The following GABPB2 variants were observed in gnomAD, a reference collection of about 807,000 sequenced individuals.
GABPB2 encodes GA-binding protein subunit beta-2.
GABPB2 carries 23 observed loss-of-function variants against 39.1 expected under a neutral mutation model. That is an observed-to-expected ratio of 0.59 (90% confidence interval 0.42 to 0.83). The LOEUF is 0.83. Among genes scored for constraint, GABPB2 ranks in the 40% least tolerant of loss-of-function variants. The pLI is 0.00. For synonymous variants in GABPB2, 184 were observed against 199.3 expected, an observed-to-expected ratio of 0.92 and a Z score of 0.65; for missense variants, 467 against 541.1, an observed-to-expected ratio of 0.86 and a Z score of 1.36.
chr1:151,112,269 T>TG (rs1445127385), intron 7 of GABPB2: 1 of 147,108 alleles, frequency 6.8e-6, no homozygotes, highest in African/African-American at 2.5e-5. Context: ...CATGTACTGA[T>TG]GGAAAGGCTG....
At chr1:151,081,384 G>T (rs183657900) in intron 1 of GABPB2, among the ~76,000 whole-genome samples, 1 of 152,050 alleles carries the variant, frequency 6.6e-6, no homozygotes, top group Non-Finnish European at 1.5e-5. Context: ...AGCTACTTGG[G>T]AGGCTGAGGC....
At position 151,107,279 on chromosome 1, in the gene GABPB2, T is replaced by C. The variant is rs1243012976; in HGVS notation, c.922+57T>C. 5 of 1,191,304 alleles carry C rather than the reference T, an allele frequency of 4.2e-6. No individual in the cohort carries two copies. In the East Asian group the frequency reaches 1.4e-4, roughly 34 times the overall value. The allele number at this position is 1,191,304 out of a possible 1,614,324, so 73.8% of individuals were successfully genotyped here. On this transcript the variant is annotated intron_variant, in intron 7 of 8. Transcript: ENST00000368918. ...AAAAGATATTTTAGATACTCCATAC[T>C]CACCTAAAAATGAGGCATTAAGACA...
intron 2 of GABPB2, 119 bp downstream of exon 2, chr1:151,088,416 A>G (rs1678385895): frequency 7.8e-7 from 1 of 1,274,930 alleles, no homozygotes; most frequent in African/African-American, 1.5e-5. Flanking sequence ...TATCCCTTAC[A>G]AGAGTTTTAT....
chr1:151,106,447 C>T (rs587666185), intron 6 of GABPB2, among the ~76,000 whole-genome samples: 6 of 152,306 alleles, frequency 3.9e-5, no homozygotes, highest in East Asian at 1.9e-4. Context: ...AAGCGATTCT[C>T]GTGCCTCAGC....
chr1:151,085,075 TGA>T (rs1381368223), intron 1 of GABPB2, among the ~76,000 whole-genome samples: 1 of 151,720 alleles, frequency 6.6e-6, no homozygotes, highest in Non-Finnish European at 1.5e-5. Context: ...TCAGCCTGGG[TGA>T]CAGAGCAAGA....
At chr1:151,094,320 G>T (rs1678940599) in intron 4 of GABPB2, among the ~76,000 whole-genome samples, 3 of 151,484 alleles carry the variant, frequency 2.0e-5, no homozygotes, top group South Asian at 4.2e-4. Context: ...TCAAAGTGCT[G>T]GGATTACAAG....
intron 6 of GABPB2, among the ~76,000 whole-genome samples, chr1:151,105,615 G>T (rs986447204): frequency 1.6e-4 from 24 of 151,294 alleles, no homozygotes; most frequent in African/African-American, 5.8e-4. Context: ...CTGGGCTCAA[G>T]TGATCCTCCC....
intron 6 of GABPB2, among the ~76,000 whole-genome samples, chr1:151,106,406 C>G (rs1351804141): frequency 2.0e-5 from 3 of 151,988 alleles, no homozygotes; most frequent in African/African-American, 7.3e-5. Context: ...GGCTCCATCT[C>G]GACTCACTGC....
intron 7 of GABPB2, chr1:151,112,194 A>C (rs1297931029): frequency 2.0e-5 from 2 of 102,032 alleles, no homozygotes; most frequent in Non-Finnish European, 3.6e-5. Context: ...ACTGCACTCC[A>C]GCCTGGGCGA....
chr1:151,090,734 C>G (rs1232857141), intron 3 of GABPB2, among the ~76,000 whole-genome samples, 161 bp downstream of exon 3: 1 of 151,910 alleles, frequency 6.6e-6, no homozygotes, highest in Non-Finnish European at 1.5e-5. Flanking sequence ...GGCCGGGTGC[C>G]TATAATCCCA....
chr1:151,078,435 T>G (rs1297980625), intron 1 of GABPB2, among the ~76,000 whole-genome samples: 1 of 148,770 alleles, frequency 6.7e-6, no homozygotes, highest in Non-Finnish European at 1.5e-5. Flanking sequence ...CTACTAAAAA[T>G]CCAAAAAATT....
intron 1 of GABPB2, among the ~76,000 whole-genome samples, chr1:151,083,771 T>C (rs1374433384): frequency 1.3e-5 from 2 of 151,356 alleles, no homozygotes; most frequent in Non-Finnish European, 2.9e-5. Flanking sequence ...AGATGGAGTC[T>C]TGCTGTGTCA....
chr1:151,115,654 AC>A (rs1680808809), intron 7 of GABPB2, among the ~76,000 whole-genome samples: 1 of 151,294 alleles, frequency 6.6e-6, no homozygotes, highest in Admixed American at 6.6e-5. Context: ...GCCTGCCTCG[AC>A]CCCCCAAAGT....
intron 1 of GABPB2, among the ~76,000 whole-genome samples, chr1:151,073,641 G>C (rs1352651532): frequency 6.6e-6 from 1 of 152,120 alleles, no homozygotes; most frequent in Non-Finnish European, 1.5e-5. Context: ...AGTAAAGGAA[G>C]GCCGGCGCGG....
chr1:151,105,771 C>T (rs1056539739), intron 6 of GABPB2, among the ~76,000 whole-genome samples: 6 of 152,320 alleles, frequency 3.9e-5, no homozygotes, highest in African/African-American at 1.2e-4. Context: ...TCCCAAAGTG[C>T]TGGGATTATG....
intron 1 of GABPB2, among the ~76,000 whole-genome samples, chr1:151,080,236 A>C (rs587763644): frequency 0.09 from 12,772 of 142,414 alleles, 1,025 homozygotes; most frequent in African/African-American, 0.16. Context: ...AAAAAAAAAA[A>C]AAAAAAAACA....
chr1:151,111,488 T>C (rs1192947909), intron 7 of GABPB2, among the ~76,000 whole-genome samples: 1 of 151,280 alleles, frequency 6.6e-6, no homozygotes. Context: ...AGTGGCGTGA[T>C]CTCGGCTCAC....
At chr1:151,082,401 T>C (rs1357755906) in intron 1 of GABPB2, among the ~76,000 whole-genome samples, 2 of 126,486 alleles carry the variant, frequency 1.6e-5, no homozygotes, top group Non-Finnish European at 3.4e-5. Flanking sequence ...TCTTTTTTTT[T>C]TTTTTTTTTT....
chr1:151,082,269 G>T (rs1444868992), intron 1 of GABPB2, among the ~76,000 whole-genome samples: 1 of 150,138 alleles, frequency 6.7e-6, no homozygotes, highest in Non-Finnish European at 1.5e-5. Context: ...TAGAGATGGG[G>T]TTTCACCATG....
Sources: gnomAD v4.1 joint callset for allele counts (sites outside exome capture counted in the v4.1 genomes callset) on GRCh38, gnomAD v4.1.1 for gene constraint, MANE v1.5 for transcripts, NCBI Gene and HGNC (gene_info 2026-07-23, HGNC 2026-07-21) for gene names.